Variants in CDH12 observed in about 807,000 individuals in gnomAD.
CDH12 encodes cadherin 12.
Under a neutral mutation model 74.1 loss-of-function variants are expected in CDH12, and 41 were observed. The ratio of observed to expected loss-of-function variants is 0.55; its 90% CI spans 0.43 to 0.72. The LOEUF is 0.72. Ranked by LOEUF, CDH12 falls within the 30% of genes least tolerant of loss-of-function variation. The pLI, the probability that CDH12 is intolerant of heterozygous loss-of-function variation, is 0.00. For missense variants in CDH12, 945 were observed against 977.2 expected, an observed-to-expected ratio of 0.97 and a Z score of 0.44; for synonymous variants, 399 against 355.0, an observed-to-expected ratio of 1.12 and a Z score of -1.39.
intron 4 of CDH12, among the ~76,000 whole-genome samples, chr5:22,091,853 T>A (rs558870868): frequency 1.3e-5 from 2 of 151,976 alleles, no homozygotes; most frequent in Admixed American, 1.3e-4. Context: ...GGCATAAGTA[T>A]ACACCCAGAA....
intron 5 of CDH12, among the ~76,000 whole-genome samples, chr5:22,013,790 T>C (rs1469126342): frequency 6.6e-6 from 1 of 152,338 alleles, no homozygotes; most frequent in East Asian, 1.9e-4. Context: ...TTTTTCTTAT[T>C]GTGAAGATGT....
intron 7 of CDH12, among the ~76,000 whole-genome samples, chr5:21,853,979 C>T (rs544841923): frequency 5.1e-4 from 77 of 151,772 alleles, no homozygotes; most frequent in African/African-American, 1.6e-3. Flanking sequence ...GTCGAGTCTT[C>T]TTAGCAAAGT....
intron 1 of CDH12, among the ~76,000 whole-genome samples, chr5:22,706,980 T>C (rs920586482): frequency 4.6e-5 from 7 of 152,122 alleles, no homozygotes; most frequent in Non-Finnish European, 1.0e-4. Context: ...AACTCCCACA[T>C]CTAAGGATTC....
At chr5:22,322,412 A>T (rs914108766) in intron 3 of CDH12, among the ~76,000 whole-genome samples, 1 of 152,076 alleles carries the variant, frequency 6.6e-6, no homozygotes, top group Admixed American at 6.6e-5. Flanking sequence ...TGTTATTCAC[A>T]AGAGCAAGAA....
intron 1 of CDH12, among the ~76,000 whole-genome samples, chr5:22,539,605 G>A (rs1474895582): frequency 2.6e-5 from 4 of 152,332 alleles, no homozygotes; most frequent in Non-Finnish European, 2.9e-5. Flanking sequence ...ATGTCAGAGT[G>A]TGATGTAAAT....
chr5:21,907,508 G>A (rs1753692092), intron 6 of CDH12, among the ~76,000 whole-genome samples: 1 of 152,166 alleles, frequency 6.6e-6, no homozygotes, highest in Non-Finnish European at 1.5e-5. Context: ...ATGGAAGCCC[G>A]ATGGAAACAG....
At chr5:22,386,116 T>G (rs960572600) in intron 3 of CDH12, among the ~76,000 whole-genome samples, 1 of 152,068 alleles carries the variant, frequency 6.6e-6, no homozygotes, top group Non-Finnish European at 1.5e-5. Flanking sequence ...GGTCTCAAAC[T>G]CCCGACCTCA....
At chr5:22,042,713 C>A (rs1739655132) in intron 5 of CDH12, among the ~76,000 whole-genome samples, 1 of 151,802 alleles carries the variant, frequency 6.6e-6, no homozygotes, top group South Asian at 2.1e-4. Flanking sequence ...TGGCAAGACT[C>A]CATTTCTACA....
chr5:22,612,981 C>T (rs1737487212), intron 1 of CDH12, among the ~76,000 whole-genome samples: 1 of 152,030 alleles, frequency 6.6e-6, no homozygotes, highest in Non-Finnish European at 1.5e-5. Flanking sequence ...TGTAGCAGAG[C>T]ACAAATGTTT....
intron 3 of CDH12, among the ~76,000 whole-genome samples, chr5:22,279,838 C>T (rs1175987202): frequency 1.1e-4 from 16 of 152,200 alleles, no homozygotes; most frequent in Admixed American, 5.9e-4. Flanking sequence ...AATAAACATA[C>T]GAGTGCATGT....
At chr5:22,123,686 T>C (rs556700812) in intron 4 of CDH12, among the ~76,000 whole-genome samples, 1 of 152,350 alleles carries the variant, frequency 6.6e-6, no homozygotes, top group South Asian at 2.1e-4. Context: ...GTTGCCTTTG[T>C]ATTCTGCTCT....
intron 3 of CDH12, among the ~76,000 whole-genome samples, chr5:22,335,352 T>C (rs552519936): frequency 1.3e-5 from 2 of 152,042 alleles, no homozygotes; most frequent in South Asian, 2.1e-4. Flanking sequence ...GTTTTAAAAA[T>C]GGGTGGGTGG....
intron 2 of CDH12, among the ~76,000 whole-genome samples, chr5:22,451,732 T>C (rs770919881): frequency 1.3e-5 from 2 of 151,832 alleles, no homozygotes; most frequent in African/African-American, 4.8e-5. Flanking sequence ...GGCAAGAGAA[T>C]GAAATAAAGA....
intron 1 of CDH12, among the ~76,000 whole-genome samples, chr5:22,698,115 G>A (rs1293129296): frequency 1.5e-5 from 2 of 133,966 alleles, no homozygotes; most frequent in Non-Finnish European, 3.2e-5. Flanking sequence ...CCCGCATAAA[G>A]GCAGGGCTTT....
At chr5:22,129,846 A>G (rs1746087397) in intron 4 of CDH12, among the ~76,000 whole-genome samples, 1 of 152,102 alleles carries the variant, frequency 6.6e-6, no homozygotes, top group Non-Finnish European at 1.5e-5. Flanking sequence ...AATCACTAAG[A>G]CTAATTATCA....
chr5:21,930,270 T>A (rs1363191319), intron 6 of CDH12, among the ~76,000 whole-genome samples: 2 of 152,216 alleles, frequency 1.3e-5, no homozygotes, highest in Admixed American at 6.5e-5. Context: ...CATGTTTAAC[T>A]GCTTGACACA....
At chr5:22,458,515 A>G (rs138118909) in intron 2 of CDH12, among the ~76,000 whole-genome samples, 46 of 152,302 alleles carry the variant, frequency 3.0e-4, no homozygotes, top group Admixed American at 1.0e-3. Flanking sequence ...CTGGCTCTAG[A>G]GAAAGAAAAA....
intron 3 of CDH12, among the ~76,000 whole-genome samples, chr5:22,280,881 G>T (rs1263344061): frequency 6.6e-6 from 1 of 152,104 alleles, no homozygotes; most frequent in Non-Finnish European, 1.5e-5. Flanking sequence ...TATGAGGCCA[G>T]TATCATCCAG....
chr5:21,874,095 A>T (rs1751799059), intron 6 of CDH12, among the ~76,000 whole-genome samples: 1 of 152,214 alleles, frequency 6.6e-6, no homozygotes, highest in South Asian at 2.1e-4. Context: ...TAATAGAATG[A>T]TTTATATTCC....
Sources: gnomAD v4.1 joint callset for allele counts (sites outside exome capture counted in the v4.1 genomes callset) on GRCh38, gnomAD v4.1.1 for gene constraint, MANE v1.5 for transcripts, NCBI Gene and HGNC (gene_info 2026-07-23, HGNC 2026-07-21) for gene names.